The following GLIS3 variants were observed in gnomAD, a reference collection of about 807,000 sequenced individuals.
The protein encoded by GLIS3 is GLIS family zinc finger 3.
Under a neutral mutation model 78.6 loss-of-function variants are expected in GLIS3, and 53 were observed. That is an observed-to-expected ratio of 0.67 (90% CI 0.54 to 0.85). GLIS3 has a LOEUF of 0.85. GLIS3 is among the 40% of genes least tolerant of loss of function. The pLI, the probability that GLIS3 is intolerant of heterozygous loss-of-function variation, is 0.00. For synonymous variants in GLIS3, 684 were observed against 509.9 expected (o/e 1.34, Z -4.60); for missense variants, 1,703 against 1,231.1 (o/e 1.38, Z -5.74).
At chr9:4,484,332 A>C in the GLIS3 span, among the ~76,000 whole-genome samples, 1 of 149,064 alleles carries the variant, frequency 6.7e-6, no homozygotes. Flanking sequence ...CTGCCTCCCA[A>C]GTTCAAGCGA....
chr9:3,955,274 A>G (rs17701364), intron 4 of GLIS3, among the ~76,000 whole-genome samples: 1,640 of 152,332 alleles, frequency 0.011, 18 homozygotes, highest in Non-Finnish European at 0.016. Flanking sequence ...ATCTCTGTTA[A>G]GTTTCACATT....
intron 4 of GLIS3, among the ~76,000 whole-genome samples, chr9:4,019,773 C>T (rs1015944907): frequency 2.0e-5 from 3 of 152,062 alleles, no homozygotes; most frequent in Non-Finnish European, 2.9e-5. Context: ...CACTCTGTTG[C>T]CCAGGCTAGA....
At chr9:3,856,614 G>A (rs1254761912) in intron 8 of GLIS3, among the ~76,000 whole-genome samples, 1 of 152,112 alleles carries the variant, frequency 6.6e-6, no homozygotes, top group African/African-American at 2.4e-5. Flanking sequence ...TGTTTGTTTT[G>A]TAAGATATAT....
intron 2 of GLIS3, among the ~76,000 whole-genome samples, chr9:4,251,308 T>C (rs1283344370): frequency 6.6e-6 from 1 of 152,230 alleles, no homozygotes; most frequent in African/African-American, 2.4e-5. Flanking sequence ...ACTGCATGTA[T>C]ATTTAGGATA....
At chr9:3,851,233 C>G (rs1224509777) in intron 9 of GLIS3, among the ~76,000 whole-genome samples, 3 of 152,192 alleles carry the variant, frequency 2.0e-5, no homozygotes, top group African/African-American at 7.2e-5. Context: ...TCTTGGGCAA[C>G]TAATCCAGGC....
chr9:3,900,501 C>T (rs926043155), intron 6 of GLIS3, among the ~76,000 whole-genome samples: 3 of 151,726 alleles, frequency 2.0e-5, no homozygotes, highest in Non-Finnish European at 4.4e-5. Context: ...CCAAAATATA[C>T]ACATATATAT....
chr9:4,149,582 T>C (rs1834508862), intron 2 of GLIS3, among the ~76,000 whole-genome samples: 1 of 152,224 alleles, frequency 6.6e-6, no homozygotes, highest in Non-Finnish European at 1.5e-5. Context: ...TTATTCTGTG[T>C]AGGTACCATA....
At chr9:4,168,821 C>T (rs933382857) in intron 2 of GLIS3, among the ~76,000 whole-genome samples, 5 of 152,112 alleles carry the variant, frequency 3.3e-5, no homozygotes, top group African/African-American at 1.2e-4. Flanking sequence ...ACAGACTCCA[C>T]AAAAATAGAC....
chr9:4,265,101 G>A (rs972815852), intron 2 of GLIS3, among the ~76,000 whole-genome samples: 12 of 151,234 alleles, frequency 7.9e-5, no homozygotes, highest in Admixed American at 6.6e-4. Flanking sequence ...GAACCTGGGA[G>A]GTAGAGCTTG....
chr9:4,345,240 C>T (rs1817883450), intron 2 of GLIS3, among the ~76,000 whole-genome samples: 1 of 152,200 alleles, frequency 6.6e-6, no homozygotes, highest in African/African-American at 2.4e-5. Context: ...TTCTGCTCTT[C>T]TCAGAACACA....
At chr9:4,372,929 G>A in the GLIS3 span, among the ~76,000 whole-genome samples, 4 of 152,198 alleles carry the variant, frequency 2.6e-5, no homozygotes, top group Admixed American at 6.5e-5. Context: ...GGAACAAGGA[G>A]AACGGCTGAT....
At chr9:3,969,430 T>C (rs546810675) in intron 4 of GLIS3, among the ~76,000 whole-genome samples, 1 of 152,338 alleles carries the variant, frequency 6.6e-6, no homozygotes, top group South Asian at 2.1e-4. Context: ...TAAGGCCCAA[T>C]GTTTCCACTC....
At chr9:4,260,359 G>T (rs1825396560) in intron 2 of GLIS3, among the ~76,000 whole-genome samples, 1 of 152,134 alleles carries the variant, frequency 6.6e-6, no homozygotes, top group Admixed American at 6.5e-5. Flanking sequence ...GAGGTCAGGA[G>T]TTCAAGACCA....
At chr9:4,140,217 G>A (rs978984312) in intron 2 of GLIS3, among the ~76,000 whole-genome samples, 4 of 152,038 alleles carry the variant, frequency 2.6e-5, no homozygotes, top group Non-Finnish European at 5.9e-5. Flanking sequence ...CCAGCTACTT[G>A]TGGGGCTAAG....
chr9:4,013,797 A>G (rs531698441), intron 4 of GLIS3, among the ~76,000 whole-genome samples: 1 of 152,322 alleles, frequency 6.6e-6, no homozygotes, highest in East Asian at 1.9e-4. Flanking sequence ...CAGGCAGGCT[A>G]GGTAGGAGAT....
At chr9:4,475,979 G>T in the GLIS3 span, among the ~76,000 whole-genome samples, 2 of 152,036 alleles carry the variant, frequency 1.3e-5, no homozygotes, top group Non-Finnish European at 2.9e-5. Flanking sequence ...AAACTCCCGG[G>T]CTCAAGTGAT....
Position 3,827,000 on chromosome 9 carries a change from G to A in GLIS3, c.*1272C>T, listed in dbSNP as rs1817758871. On this transcript the variant is annotated 3_prime_UTR_variant, in exon 11 of 11. Coordinates refer to ENST00000381971, the MANE Select transcript of GLIS3 (RefSeq NM_001042413.2). ...CTTGATATTTTCGACCAAGTGCTAT[G>A]TGAAAATTCCAGGCCTTCAAACTGG... The A allele has an allele frequency of 1.3e-5, 2 of 152,160 alleles. No individual in the cohort carries two copies. The highest frequency in any genetic ancestry group is 6.5e-5 in the Admixed American group (1 of 15,272). The allele number at this position is 152,160 out of a possible 1,614,324, so 9.4% of individuals were successfully genotyped here. A position where few individuals can be genotyped will look rare whatever the true frequency, so the allele number is the denominator to read the frequency against.
chr9:4,284,127 T>C (rs1297021186), intron 2 of GLIS3, among the ~76,000 whole-genome samples: 2 of 152,336 alleles, frequency 1.3e-5, no homozygotes, highest in Middle Eastern at 6.8e-3. Context: ...CCAAGCTCCT[T>C]ACTGGCTGGT....
chr9:4,132,396 C>T (rs1164784303), intron 2 of GLIS3, among the ~76,000 whole-genome samples: 1 of 152,150 alleles, frequency 6.6e-6, no homozygotes, highest in African/African-American at 2.4e-5. Flanking sequence ...AAAGGGTTCT[C>T]TTGAAGTCAA....
Sources: gnomAD v4.1 joint callset for allele counts (sites outside exome capture counted in the v4.1 genomes callset) on GRCh38, gnomAD v4.1.1 for gene constraint, MANE v1.5 for transcripts, NCBI Gene and HGNC (gene_info 2026-07-23, HGNC 2026-07-21) for gene names.